The following GALNT18 variants were observed in gnomAD, a reference collection of about 807,000 sequenced individuals.
GALNT18 encodes GalNAc-transferase 18.
A neutral mutation model predicts 69.5 loss-of-function variants in GALNT18; 44 were observed. The ratio of observed to expected loss-of-function variants is 0.63; its 90% CI spans 0.50 to 0.81. GALNT18 has a LOEUF of 0.81. Ranked by LOEUF, GALNT18 falls within the 40% of genes least tolerant of loss-of-function variation. The pLI is 0.00. For synonymous variants in GALNT18, 364 were observed against 318.2 expected, an observed-to-expected ratio of 1.14 and a Z score of -1.53; for missense variants, 715 against 810.0, an observed-to-expected ratio of 0.88 and a Z score of 1.42.
chr11:11,294,621 AAAAACAT>A (rs1303077855), intron 9 of GALNT18, among the ~76,000 whole-genome samples: 3 of 152,076 alleles, frequency 2.0e-5, no homozygotes, highest in Non-Finnish European at 2.9e-5. Flanking sequence ...AAAAAAAAAA[AAAAACAT>A]AAACAAATGG....
At chr11:11,578,330 CAAAAA>C (rs57579910) in intron 1 of GALNT18, among the ~76,000 whole-genome samples, 33 of 120,596 alleles carry the variant, frequency 2.7e-4, no homozygotes, top group Non-Finnish European at 3.7e-4. Context: ...TAAAAAGAAC[CAAAAA>C]AAAAAAAAAA....
intron 1 of GALNT18, among the ~76,000 whole-genome samples, chr11:11,549,162 T>C (rs1163660290): frequency 1.3e-5 from 2 of 152,184 alleles, no homozygotes; most frequent in African/African-American, 2.4e-5. Context: ...ACATAATGAC[T>C]GGAGCTGCAG....
At chr11:11,481,200 C>T (rs1856520546) in intron 1 of GALNT18, among the ~76,000 whole-genome samples, 1 of 152,210 alleles carries the variant, frequency 6.6e-6, no homozygotes, top group African/African-American at 2.4e-5. Context: ...CTGCACTCCA[C>T]TAGGCAATTC....
rs1252556898 is a variant in GALNT18, at chr11:11,500,759, A to T, written c.236-51823T>A. On this transcript the variant is annotated intron_variant, in intron 1 of 10. Coordinates refer to ENST00000227756, the MANE Select transcript of GALNT18 (RefSeq NM_198516.3). The surrounding 1 kb of genome is among the most constrained non-coding windows in gnomAD (Gnocchi z 5.0). ...TTATGGATAGTGAATTGCCTCAGGT[A>T]AGGAGTCAAGGATCTCCTTTTCATG... Among the ~76,000 whole-genome samples, 1 of 152,210 alleles carries T rather than the reference A, an allele frequency of 6.6e-6. No homozygotes were observed.
chr11:11,552,167 A>T (rs1342977468), intron 1 of GALNT18, among the ~76,000 whole-genome samples: 1 of 152,138 alleles, frequency 6.6e-6, no homozygotes, highest in East Asian at 1.9e-4. Context: ...AAGCAGCCAT[A>T]GGCCCTCTGG....
In GALNT18 at chr11:11,502,001, C is replaced by T. The variant is rs146276244; in HGVS notation, c.236-53065G>A. Among the ~76,000 whole-genome samples, 444 of 152,254 alleles carry T rather than the reference C, an allele frequency of 2.9e-3. 2 individuals are homozygous for T. The highest frequency in any genetic ancestry group is 0.01 in the African/African-American group (431 of 41,550). ...GAAGATCTGTGGAGGCCTCTGAGGA[C>T]GAGGCTCTCAGTTGGAAGAAGCCAA... On this transcript the variant is annotated intron_variant, in intron 1 of 10. Coordinates refer to ENST00000227756, the MANE Select transcript of GALNT18 (RefSeq NM_198516.3).
intron 9 of GALNT18, among the ~76,000 whole-genome samples, chr11:11,311,197 C>T (rs530556597): frequency 4.8e-4 from 73 of 152,290 alleles, no homozygotes; most frequent in African/African-American, 1.6e-3. Context: ...TACTAAGAAA[C>T]GGGACCAAAG....
intron 1 of GALNT18, among the ~76,000 whole-genome samples, chr11:11,594,087 G>T (rs962026370): frequency 6.6e-6 from 1 of 152,190 alleles, no homozygotes; most frequent in African/African-American, 2.4e-5. Context: ...ATGTGCATTT[G>T]TGTATCTATA....
Position 11,432,958 on chromosome 11 carries a change from G to A in GALNT18, c.429-171C>T, listed in dbSNP as rs1343090948. ...TGAGCCCTAAATGTCCAGCAGAAAG[G>A]CCCACAAGCATTGAAACCAGTTCAC... is the stretch of plus-strand genomic sequence containing the variant. On this transcript the variant is annotated intron_variant, in intron 2 of 10. Coordinates refer to ENST00000227756, the MANE Select transcript of GALNT18 (RefSeq NM_198516.3). This position sits in a 1 kb window ranked among gnomAD's most constrained non-coding sequence, Gnocchi z 5.8. Among the ~76,000 whole-genome samples, 3 of 152,132 alleles carry A rather than the reference G, an allele frequency of 2.0e-5. No individual in the cohort carries two copies. Among genetic ancestry groups the A allele is most frequent in the Non-Finnish European group, 2.9e-5 (2 of 68,034 alleles).
At chr11:11,529,535 G>C (rs1170496044) in intron 1 of GALNT18, among the ~76,000 whole-genome samples, 2 of 152,040 alleles carry the variant, frequency 1.3e-5, no homozygotes, top group African/African-American at 4.8e-5. Flanking sequence ...CTACACCATG[G>C]CCTCCCATAG....
chr11:11,414,686 C>T (rs56002986), intron 3 of GALNT18, among the ~76,000 whole-genome samples: 10,192 of 152,226 alleles, frequency 0.067, 468 homozygotes, highest in East Asian at 0.14. Flanking sequence ...TCCCACACTA[C>T]GCTGGGAGCT....
At chr11:11,535,879 G>A (rs530447497) in intron 1 of GALNT18, among the ~76,000 whole-genome samples, 2 of 152,292 alleles carry the variant, frequency 1.3e-5, no homozygotes, top group South Asian at 2.1e-4. Flanking sequence ...CTGGCTAGAC[G>A]TGCTTTCCTG....
rs554769715 is a variant in GALNT18 at position 11,362,280 on chromosome 11, A to G, written c.1092+10235T>C. 2.3e-4 allele frequency among the ~76,000 whole-genome samples: 35 copies of G among 152,300 alleles called. No homozygotes were observed. The South Asian group carries it at 7.1e-3, about 31-fold the overall frequency. ...AACCTGAGAGTGGGTAAGATTTTCT[A>G]TGATTAAAATCTGGAAGCAAGAAGA... is the stretch of plus-strand genomic sequence containing the variant. On this transcript the variant is annotated intron_variant, in intron 6 of 10. Coordinates refer to ENST00000227756, the MANE Select transcript of GALNT18 (RefSeq NM_198516.3).
intron 10 of GALNT18, among the ~76,000 whole-genome samples, chr11:11,291,503 T>C (rs1212679557): frequency 6.6e-6 from 1 of 151,106 alleles, no homozygotes; most frequent in Non-Finnish European, 1.5e-5. Context: ...ATGTTAGCTG[T>C]TATTCCTATT....
In GALNT18 at chr11:11,379,231, T is replaced by C; in HGVS notation, c.629A>G (p.Asp210Gly). Residue 210 changes from aspartate to glycine, a missense_variant, in exon 4 of 11, where the codon GAC becomes GGC. By Grantham distance (94) the Asp-to-Gly change is moderately conservative. Coordinates refer to ENST00000227756, the MANE Select transcript of GALNT18 (RefSeq NM_198516.3). ...ELKEKLTEYV[D>G]KVNSQKPGFI... is the part of the protein sequence containing the mutation. The stretch of plus-strand genomic sequence containing the variant: ...GCCTGGCTTCTGGCTGTTCACCTTG[T>C]CCACATATTCGGTCAGCTTCTCCTT... The C allele has an allele frequency of 6.2e-7, 1 of 1,613,216 alleles. No individual in the cohort carries two copies. Among genetic ancestry groups the C allele is most frequent in the Non-Finnish European group, 8.5e-7 (1 of 1,179,968 alleles).
Position 11,326,638 on chromosome 11 carries a change from C to T in GALNT18, c.1512+448G>A, listed in dbSNP as rs1849924827. 3.3e-5 allele frequency among the ~76,000 whole-genome samples: 5 copies of T among 152,242 alleles called. No individual in the cohort carries two copies. The South Asian group carries it at 1.0e-3, about 32-fold the overall frequency. ...GAAGGACCATGGCTATAAATTTTGG[C>T]CCCAGCTATGATCTACTAAAGGGCC... is the stretch of plus-strand genomic sequence containing the variant. On this transcript the variant is annotated intron_variant, in intron 9 of 10. Coordinates refer to ENST00000227756, the MANE Select transcript of GALNT18 (RefSeq NM_198516.3).
chr11:11,319,432 G>T (rs368995663), intron 9 of GALNT18, among the ~76,000 whole-genome samples: 3 of 152,052 alleles, frequency 2.0e-5, no homozygotes, highest in African/African-American at 4.8e-5. Flanking sequence ...CATTTCCCAG[G>T]GCCAAGAACA....
intron 6 of GALNT18, among the ~76,000 whole-genome samples, chr11:11,359,134 G>T (rs1216678501): frequency 2.9e-5 from 4 of 139,910 alleles, no homozygotes; most frequent in South Asian, 2.2e-4. Context: ...CAAAGACGAG[G>T]TTGCTTTACC....
At position 11,587,493 on chromosome 11, in the gene GALNT18, G is replaced by C. The variant is rs112603369; in HGVS notation, c.235+33866C>G. Among the ~76,000 whole-genome samples, 4,565 of 152,244 alleles carry C rather than the reference G, an allele frequency of 0.03. 214 individuals carry two copies. The highest frequency in any genetic ancestry group is 0.1 in the African/African-American group (4,313 of 41,524). ...GAGCAGTGAGCATATCCAAAGCCTCGATCTAGGAGGAAGCACTCTGGAGCT... is the reference window on the plus strand; with the variant it reads ...GAGCAGTGAGCATATCCAAAGCCTCCATCTAGGAGGAAGCACTCTGGAGCT... On this transcript the variant is annotated intron_variant, in intron 1 of 10. Transcript: ENST00000227756. This position sits in a 1 kb window ranked among gnomAD's most constrained non-coding sequence, Gnocchi z 4.4.
Sources: allele counts gnomAD v4.1 joint callset (sites outside exome capture counted in the v4.1 genomes callset), GRCh38; gene constraint gnomAD v4.1.1; non-coding constraint Gnocchi (gnomAD v3.1); transcripts MANE v1.5; gene names NCBI Gene and HGNC (gene_info 2026-07-23, HGNC 2026-07-21).